PLEKHA8: variants seen among roughly 807,000 people sequenced by gnomAD.
PLEKHA8 encodes pleckstrin homology domain containing A8, also known as pleckstrin homology domain-containing family A member 8.
A neutral mutation model predicts 68.2 loss-of-function variants in PLEKHA8; 36 were observed. That is an observed-to-expected ratio of 0.53 (90% CI 0.40 to 0.70). The LOEUF (loss-of-function observed/expected upper bound fraction) is 0.70, where lower values mean the gene tolerates loss of function less well. PLEKHA8 is among the 30% of genes least tolerant of loss of function. PLEKHA8 has a pLI of 0.00. For synonymous variants in PLEKHA8, 211 were observed against 216.1 expected (o/e 0.98, Z 0.20); for missense variants, 505 against 615.4 (o/e 0.82, Z 1.90).
chr7:30,053,721 G>T (rs966354354), intron 7 of PLEKHA8, among the ~76,000 whole-genome samples: 2 of 152,200 alleles, frequency 1.3e-5, no homozygotes, highest in African/African-American at 4.8e-5. Context: ...AAGACCTATT[G>T]ATAGGGATGT....
chr7:30,108,338 T>C (rs1796148694), intron 13 of PLEKHA8, among the ~76,000 whole-genome samples: 1 of 152,128 alleles, frequency 6.6e-6, no homozygotes, highest in Non-Finnish European at 1.5e-5. Flanking sequence ...CTTATCTGAT[T>C]TGCCATCAGA....
intron 9 of PLEKHA8, among the ~76,000 whole-genome samples, chr7:30,058,472 T>A (rs76567573): frequency 3.7e-4 from 35 of 95,284 alleles, no homozygotes; most frequent in Admixed American, 5.3e-4. Context: ...GTTGAGGTTC[T>A]TTTTTTTTTT....
chr7:30,118,045 C>A, intron 13 of PLEKHA8: 1 of 1,505,264 alleles, frequency 6.6e-7, no homozygotes. Context: ...GCCTGCAGGA[C>A]ATGATGACCC....
At chr7:30,056,558 G>C (rs1478644945) in intron 9 of PLEKHA8, among the ~76,000 whole-genome samples, 1 of 147,514 alleles carries the variant, frequency 6.8e-6, no homozygotes, top group African/African-American at 2.5e-5. Context: ...GTAAAACCCC[G>C]TCTCTACTAA....
At chr7:30,073,739 A>G (rs75741943) in intron 12 of PLEKHA8, among the ~76,000 whole-genome samples, 2,929 of 152,136 alleles carry the variant, frequency 0.019, 44 homozygotes, top group East Asian at 0.04. Flanking sequence ...TGTAGTCCCA[A>G]TGCTTTAGGA....
rs543669191 is a variant in PLEKHA8, at chr7:30,089,879, A to G, written c.1301-274A>G. ...TTCCCTAAAATAATATAGAACAAATAAATATATTCGAAATAGCAAAAAACA... is the reference window on the plus strand; with the variant it reads ...TTCCCTAAAATAATATAGAACAAATGAATATATTCGAAATAGCAAAAAACA... On this transcript the variant is annotated intron_variant, in intron 12 of 12. Transcript: ENST00000258679. Among the ~76,000 whole-genome samples the G allele has an allele frequency of 5.9e-5, 9 of 152,328 alleles. 1 individual carries two copies. The highest frequency in any genetic ancestry group is 2.2e-4 in the African/African-American group (9 of 41,566).
intron 13 of PLEKHA8, among the ~76,000 whole-genome samples, chr7:30,109,423 C>CA (rs1160857316): frequency 2.0e-5 from 3 of 151,646 alleles, no homozygotes; most frequent in South Asian, 2.1e-4. Flanking sequence ...CCTCTTTCTA[C>CA]AAAAAATACA....
chr7:30,112,783 C>T (rs932337720), intron 13 of PLEKHA8, among the ~76,000 whole-genome samples: 5 of 151,726 alleles, frequency 3.3e-5, no homozygotes, highest in Non-Finnish European at 7.4e-5. Flanking sequence ...TACCTGTAGT[C>T]CCAGCTATTT....
rs545914466 is a variant in PLEKHA8, at chr7:30,079,750, A to G, written c.*963A>G. Reference sequence around the variant, plus strand: ...GATTCCCAGGCCTTATTTTGGCCTAAAGAACCAGAGTCTAGGTGGTGGGAC... The same window carrying G: ...GATTCCCAGGCCTTATTTTGGCCTAGAGAACCAGAGTCTAGGTGGTGGGAC... On this transcript the variant is annotated 3_prime_UTR_variant, in exon 14 of 14. Coordinates refer to ENST00000449726, the MANE Select transcript of PLEKHA8 (RefSeq NM_001197026.2). The G allele has an allele frequency of 8.9e-6, 6 of 675,670 alleles. No homozygotes were observed. In the South Asian group the frequency reaches 3.3e-4, roughly 38 times the overall value. 41.9% of individuals were successfully genotyped at this position (675,670 alleles called of 1,614,324 possible).
At chr7:30,071,487 C>T (rs1794236083) in intron 12 of PLEKHA8, among the ~76,000 whole-genome samples, 1 of 152,232 alleles carries the variant, frequency 6.6e-6, no homozygotes, top group Non-Finnish European at 1.5e-5. Flanking sequence ...GGATTAGTTT[C>T]TCCCTTCTTA....
intron 12 of PLEKHA8, among the ~76,000 whole-genome samples, chr7:30,063,455 A>G (rs1003857264): frequency 1.2e-4 from 18 of 152,234 alleles, no homozygotes; most frequent in Admixed American, 1.1e-3. Context: ...ATTGATCTAT[A>G]GGAAATTCTT....
intron 13 of PLEKHA8, among the ~76,000 whole-genome samples, chr7:30,076,439 G>A (rs1403273905): frequency 6.6e-6 from 1 of 152,136 alleles, no homozygotes; most frequent in Non-Finnish European, 1.5e-5. Flanking sequence ...GAACTGCTAT[G>A]TCGAATACTA....
At chr7:30,056,597 C>T (rs191214112) in intron 9 of PLEKHA8, among the ~76,000 whole-genome samples, 2,020 of 146,764 alleles carry the variant, frequency 0.014, 20 homozygotes, top group Middle Eastern at 0.036. Context: ...AGTGTGGTGG[C>T]GCGCACCTGT....
At chr7:30,069,009 T>TGA (rs75913354) in intron 12 of PLEKHA8, among the ~76,000 whole-genome samples, 22,072 of 151,656 alleles carry the variant, frequency 0.15, 1,611 homozygotes, top group Middle Eastern at 0.19. Flanking sequence ...ATACCAACTT[T>TGA]GAGAGAGAGA....
chr7:30,065,698 T>C (rs558920582), intron 12 of PLEKHA8, among the ~76,000 whole-genome samples: 1 of 152,198 alleles, frequency 6.6e-6, no homozygotes, highest in Non-Finnish European at 1.5e-5. Context: ...TAAAGTTGAA[T>C]TTAAAAACAG....
intron 1 of PLEKHA8, among the ~76,000 whole-genome samples, chr7:30,035,090 T>C (rs1461896295): frequency 6.6e-6 from 1 of 152,186 alleles, no homozygotes; most frequent in Non-Finnish European, 1.5e-5. Context: ...CTTTACGATG[T>C]AATCTATGGT....
rs1403845750 is a variant in PLEKHA8, at chr7:30,115,796, A to ACATGTATACACGCATG, written c.1363-13459_1363-13444dup. On this transcript the variant is annotated intron_variant, in intron 13 of 13. Transcript: ENST00000396257. ...TATGCATGCATACATACGTGCACAT[A>ACATGTATACACGCATG]CATGTATACACGCATGCATGTATAC... 3.5e-5 allele frequency: 5 copies of ACATGTATACACGCATG among 144,040 alleles called. No homozygotes were observed. In the South Asian group the frequency reaches 6.3e-4, roughly 18 times the overall value. The allele number at this position is 144,040 out of a possible 1,614,324, so 8.9% of individuals were successfully genotyped here.
chr7:30,046,940 G>T (rs1429038415), intron 3 of PLEKHA8, among the ~76,000 whole-genome samples: 3 of 152,182 alleles, frequency 2.0e-5, no homozygotes, highest in Non-Finnish European at 4.4e-5. Flanking sequence ...CTGTGGCCCA[G>T]CTTTCTCTTT....
Position 30,081,686 on chromosome 7 carries a change from A to C in PLEKHA8, c.*2899A>C, listed in dbSNP as rs1794937058. 1.7e-5 allele frequency: 17 copies of C among 985,172 alleles called. No individual in the cohort carries two copies. The highest frequency in any genetic ancestry group is 1.9e-5 in the Non-Finnish European group (16 of 829,852). 61.0% of individuals were successfully genotyped at this position (985,172 alleles called of 1,614,324 possible). A position where few individuals can be genotyped will look rare whatever the true frequency, so the allele number is the denominator to read the frequency against. On this transcript the variant is annotated 3_prime_UTR_variant, in exon 14 of 14. Coordinates refer to ENST00000449726, the MANE Select transcript of PLEKHA8 (RefSeq NM_001197026.2). The stretch of plus-strand genomic sequence containing the variant: ...CATCGCTCAAAGCATTTTTAGGATT[A>C]TTTTTCTAGCGTAACCTTTAGAGAG...
Sources: allele counts gnomAD v4.1 joint callset (sites outside exome capture counted in the v4.1 genomes callset), GRCh38; gene constraint gnomAD v4.1.1; transcripts MANE v1.5; gene names NCBI Gene and HGNC (gene_info 2026-07-23, HGNC 2026-07-21).